OPA3: variants seen among roughly 807,000 people sequenced by gnomAD.
OPA3 encodes outer mitochondrial membrane lipid metabolism regulator OPA3, also known as optic atrophy 3 protein.
Under a neutral mutation model 4.0 loss-of-function variants are expected in OPA3, and 6 were observed. That is an observed-to-expected ratio of 1.51 (90% CI 0.83 to 2.99). The LOEUF is 2.99. Among genes scored for constraint, OPA3 ranks in the 30% most tolerant of loss-of-function variants. The pLI is 0.00. For synonymous variants in OPA3, 105 were observed against 117.1 expected (o/e 0.90, Z 0.67); for missense variants, 235 against 256.2 (o/e 0.92, Z 0.56).
chr19:45,536,893 T>C (rs1024597991), intron 1 of OPA3, among the ~76,000 whole-genome samples: 1 of 151,968 alleles, frequency 6.6e-6, no homozygotes, highest in Non-Finnish European at 1.5e-5. Flanking sequence ...TCCACAGGGA[T>C]TGTAGATCAA....
At chr19:45,557,865 C>T (rs1969444078) in intron 1 of OPA3, among the ~76,000 whole-genome samples, 1 of 152,232 alleles carries the variant, frequency 6.6e-6, no homozygotes, top group African/African-American at 2.4e-5. Flanking sequence ...GTCACAGTCA[C>T]TGCTGTGTCC....
rs562732935 is a variant in OPA3, at chr19:45,548,052, G to C, written c.*5462C>G. 1 of 885,462 alleles carries C rather than the reference G, an allele frequency of 1.1e-6. No individual in the cohort carries two copies. The highest frequency in any genetic ancestry group is 1.8e-5 in the African/African-American group (1 of 55,362). The allele number at this position is 885,462 out of a possible 1,614,324, so 54.9% of individuals were successfully genotyped here. On this transcript the variant is annotated 3_prime_UTR_variant, in exon 2 of 2. Transcript: ENST00000263275. Reference sequence around the variant, plus strand: ...CACTAGAATGTCAGCTCCAGTGAGGGCCTCTGCTTGCTCCCAACTGGCTCC... The same window carrying C: ...CACTAGAATGTCAGCTCCAGTGAGGCCCTCTGCTTGCTCCCAACTGGCTCC...
chr19:45,573,341 C>G (rs577680815), intron 1 of OPA3, among the ~76,000 whole-genome samples: 3 of 152,068 alleles, frequency 2.0e-5, no homozygotes, highest in African/African-American at 7.2e-5. Context: ...ATCTCAGCTA[C>G]TCGGGAGGCT....
At chr19:45,562,700 T>C (rs978432648) in intron 1 of OPA3, among the ~76,000 whole-genome samples, 134 of 151,950 alleles carry the variant, frequency 8.8e-4, no homozygotes, top group African/African-American at 2.8e-3. Flanking sequence ...AAAATATAAA[T>C]AAATAAAAGA....
intron 1 of OPA3, among the ~76,000 whole-genome samples, chr19:45,537,396 C>CAAAAAAAAAAAAAAAAAAAA (rs1181396046): frequency 6.9e-5 from 2 of 28,914 alleles, no homozygotes; most frequent in African/African-American, 1.6e-4. Flanking sequence ...GACTCTGTCT[C>CAAAAAAAAAAAAAAAAAAAA]AAAAAAAAAA....
chr19:45,547,980 A>T lies in OPA3; in HGVS notation c.*5534T>A. ...CCAAAGTGCTGAGATTACAGGTGTG[A>T]GCCACCACGCCTGGCCACTCTTTCC... On this transcript the variant is annotated 3_prime_UTR_variant, in exon 2 of 2. Coordinates refer to ENST00000263275, the MANE Select transcript of OPA3 (RefSeq NM_025136.4). 2.5e-6 allele frequency: 1 copy of T among 401,074 alleles called. No homozygotes were observed. Among genetic ancestry groups the T allele is most frequent in the Non-Finnish European group, 3.4e-6 (1 of 296,040 alleles). 24.8% of individuals were successfully genotyped at this position (401,074 alleles called of 1,614,324 possible). A position where few individuals can be genotyped will look rare whatever the true frequency, so the allele number is the denominator to read the frequency against.
In OPA3 at chr19:45,549,641, G is replaced by C. The variant is rs1026966922; in HGVS notation, c.*3873C>G. The stretch of plus-strand genomic sequence containing the variant: ...GATTCAGGAATGTGCCAACATGCCC[G>C]GCTAATTTTTGTATTTTTAGTAGAG... On this transcript the variant is annotated 3_prime_UTR_variant, in exon 2 of 2. Coordinates refer to ENST00000263275, the MANE Select transcript of OPA3 (RefSeq NM_025136.4). 31 of 798,358 alleles carry C rather than the reference G, an allele frequency of 3.9e-5. No individual in the cohort carries two copies. In the African/African-American group the frequency reaches 5.3e-4, roughly 14 times the overall value. The allele number at this position is 798,358 out of a possible 1,614,324, so 49.5% of individuals were successfully genotyped here.
intron 1 of OPA3, among the ~76,000 whole-genome samples, chr19:45,572,812 T>G (rs920788524): frequency 2.1e-5 from 3 of 143,558 alleles, no homozygotes; most frequent in African/African-American, 5.1e-5. Flanking sequence ...ATACTATATA[T>G]ATAGATATAT....
intron 1 of OPA3, among the ~76,000 whole-genome samples, chr19:45,565,590 A>C (rs779674979): frequency 2.6e-5 from 4 of 152,186 alleles, no homozygotes; most frequent in Non-Finnish European, 5.9e-5. Flanking sequence ...AGATCATGCC[A>C]TTGCACTCCA....
At chr19:45,579,765 T>C (rs1326950090) in intron 1 of OPA3, among the ~76,000 whole-genome samples, 1 of 152,024 alleles carries the variant, frequency 6.6e-6, no homozygotes, top group Non-Finnish European at 1.5e-5. Context: ...ATAATAATAG[T>C]ATCTACCTCA....
At chr19:45,579,013 G>A (rs1969808113) in intron 1 of OPA3, among the ~76,000 whole-genome samples, 1 of 151,880 alleles carries the variant, frequency 6.6e-6, no homozygotes, top group African/African-American at 2.4e-5. Context: ...GCACGCTCAT[G>A]CCTCAGGTCC....
chr19:45,543,325 ATT>A (rs774511385), downstream of OPA3, among the ~76,000 whole-genome samples: 1 of 135,772 alleles, frequency 7.4e-6, no homozygotes. Flanking sequence ...TTTATTTTTA[ATT>A]TTTTTTTTTT....
At chr19:45,528,912 A>G (rs528100454) in exon 2 of OPA3, 1 of 976,358 alleles carries the variant, frequency 1.0e-6, no homozygotes, top group Non-Finnish European at 1.5e-6. Flanking sequence ...GATCAGCTCC[A>G]GCCCAGGATC....
At position 45,546,561 on chromosome 19, in the gene OPA3, T is replaced by G; in HGVS notation, c.*6953A>C. The G allele has an allele frequency of 3.7e-6, 1 of 268,380 alleles. No individual in the cohort carries two copies. The highest frequency in any genetic ancestry group is 5.7e-6 in the Non-Finnish European group (1 of 174,880). The allele number at this position is 268,380 out of a possible 1,614,324, so 16.6% of individuals were successfully genotyped here. A position where few individuals can be genotyped will look rare whatever the true frequency, so the allele number is the denominator to read the frequency against. Reference sequence around the variant, plus strand: ...CCCAGGTTGAGGTGCTGTGGCCTGATCTCAGTTCACTGCAGCCTTAAACAC... The same window carrying G: ...CCCAGGTTGAGGTGCTGTGGCCTGAGCTCAGTTCACTGCAGCCTTAAACAC... On this transcript the variant is annotated 3_prime_UTR_variant, in exon 2 of 2. Transcript: ENST00000263275.
chr19:45,538,126 G>GAA (rs35522061), intron 1 of OPA3, among the ~76,000 whole-genome samples: 2 of 117,932 alleles, frequency 1.7e-5, no homozygotes, highest in Non-Finnish European at 1.7e-5. Flanking sequence ...AATGCCACCT[G>GAA]AAAAAAAAAA....
chr19:45,565,002 G>A (rs1336376274), intron 1 of OPA3, among the ~76,000 whole-genome samples: 2 of 151,972 alleles, frequency 1.3e-5, no homozygotes, highest in Non-Finnish European at 2.9e-5. Flanking sequence ...CGAGGTGGGC[G>A]GATCACGAGG....
intron 1 of OPA3, among the ~76,000 whole-genome samples, chr19:45,572,320 GATATATATCGATATATATCTC>G (rs1568408954): frequency 8.0e-6 from 1 of 125,650 alleles, no homozygotes; most frequent in Non-Finnish European, 1.7e-5. Flanking sequence ...ACATATATGA[GATATATATCGATATATATCTC>G]ATATATATCG....
chr19:45,535,313 T>A, intron 1 of OPA3, among the ~76,000 whole-genome samples: 1 of 152,122 alleles, frequency 6.6e-6, no homozygotes, highest in East Asian at 1.9e-4. Flanking sequence ...CTGGTACTGA[T>A]GATAGGAATA....
intron 1 of OPA3, among the ~76,000 whole-genome samples, chr19:45,573,939 G>C (rs1348816643): frequency 6.6e-6 from 1 of 152,200 alleles, no homozygotes; most frequent in Non-Finnish European, 1.5e-5. Flanking sequence ...ACAGCGGGCG[G>C]ATCACTTGAG....
Sources: allele counts gnomAD v4.1 joint callset (sites outside exome capture counted in the v4.1 genomes callset), GRCh38; gene constraint gnomAD v4.1.1; transcripts MANE v1.5; gene names NCBI Gene and HGNC (gene_info 2026-07-23, HGNC 2026-07-21).